ABCD2: variants seen among roughly 807,000 people sequenced by gnomAD.
ABCD2 encodes the protein ATP binding cassette subfamily D member 2.
Under a neutral mutation model 70.9 loss-of-function variants are expected in ABCD2, and 36 were observed. The ratio of observed to expected loss-of-function variants is 0.51; its 90% CI spans 0.39 to 0.67. The LOEUF is 0.67. Among genes scored for constraint, ABCD2 ranks in the 30% least tolerant of loss-of-function variants. The pLI is 0.00. For synonymous variants in ABCD2, 304 were observed against 306.9 expected, an observed-to-expected ratio of 0.99 and a Z score of 0.10; for missense variants, 729 against 890.2, an observed-to-expected ratio of 0.82 and a Z score of 2.30.
intron 9 of ABCD2, among the ~76,000 whole-genome samples, chr12:39,568,609 A>C (rs893346314): frequency 6.6e-5 from 10 of 152,008 alleles, no homozygotes; most frequent in African/African-American, 2.4e-4. Flanking sequence ...GATCATCTGA[A>C]GCCTTCTTCT....
chr12:39,609,878 G>C (rs1359005571), intron 2 of ABCD2, among the ~76,000 whole-genome samples: 1 of 152,134 alleles, frequency 6.6e-6, no homozygotes, highest in African/African-American at 2.4e-5. Context: ...AAGAAATTAG[G>C]CAAGATACAG....
Position 39,573,794 on chromosome 12 carries a change from T to A in ABCD2, c.1925A>T (p.Asp642Val). 6.2e-7 allele frequency: 1 copy of A among 1,613,352 alleles called. No homozygotes were observed. Among genetic ancestry groups the A allele is most frequent in the Non-Finnish European group, 8.5e-7 (1 of 1,179,416 alleles). ...LDECTSAVSIDVEGKIFQAAK... is the reference protein window; with the variant it reads ...LDECTSAVSIVVEGKIFQAAK... ...AGCCTGAAATATCTTTCCTTCGACA[T>A]CAATGCTGACAGCACTGGTACATTC... The change falls in exon 9 of 10, where the codon GAT (aspartate) becomes GTT (valine). Residue 642 changes from aspartate (D) to valine (V), a missense_variant. This residue lies in a region of ABCD2 where 289 missense variants were observed against 328.8 expected (regional missense o/e 0.88). Transcript: ENST00000308666.
At chr12:39,612,965 C>T (rs1942064678) in intron 2 of ABCD2, among the ~76,000 whole-genome samples, 1 of 152,178 alleles carries the variant, frequency 6.6e-6, no homozygotes, top group Non-Finnish European at 1.5e-5. Flanking sequence ...CTTAGACACT[C>T]TTTTTTCCTG....
chr12:39,619,091 G>T lies in ABCD2; in HGVS notation c.525C>A (p.Phe175Leu). The T allele has an allele frequency of 5.0e-6, 8 of 1,614,190 alleles. No homozygotes were observed. Among genetic ancestry groups the T allele is most frequent in the Non-Finnish European group, 6.8e-6 (8 of 1,180,036 alleles). The part of the protein sequence containing the change: ...RYLECKLALA[F>L]RTRLVDHAYE... ...AGGCGTGGTCTACTAGGCGAGTTCT[G>T]AAGGCCAAAGCCAATTTGCATTCCA... The change falls in exon 1 of 10, where the codon TTC becomes TTA. Residue 175 changes from phenylalanine to leucine, a missense_variant. Coordinates refer to ENST00000308666, the MANE Select transcript of ABCD2 (RefSeq NM_005164.4).
chr12:39,616,898 A>G (rs1423886846), intron 2 of ABCD2, 90 bp downstream of exon 2: 1 of 1,194,130 alleles, frequency 8.4e-7, no homozygotes, highest in Non-Finnish European at 1.2e-6. Context: ...ATGACCATGT[A>G]CACAGTTTAG....
At chr12:39,533,246 G>C in the ABCD2 span, among the ~76,000 whole-genome samples, 1 of 152,078 alleles carries the variant, frequency 6.6e-6, no homozygotes, top group South Asian at 2.1e-4. Context: ...TGGCATATAA[G>C]ATTGAAGAGA....
At position 39,552,778 on chromosome 12, in the gene ABCD2, C is replaced by T. The variant is rs1004766266; in HGVS notation, c.*1134G>A. 2.6e-5 allele frequency: 4 copies of T among 151,828 alleles called. No homozygotes were observed. The highest frequency in any genetic ancestry group is 6.6e-5 in the Admixed American group (1 of 15,232). The allele number at this position is 151,828 out of a possible 1,614,324, so 9.4% of individuals were successfully genotyped here. On this transcript the variant is annotated 3_prime_UTR_variant, in exon 10 of 10. Coordinates refer to ENST00000308666, the MANE Select transcript of ABCD2 (RefSeq NM_005164.4). ...GAAATTTATTTTATTTTCTACACTT[C>T]GTCTAACTTTTATTGCTATTATAGC...
intron 6 of ABCD2, among the ~76,000 whole-genome samples, chr12:39,599,131 G>A (rs1160504862): frequency 6.6e-6 from 1 of 152,098 alleles, no homozygotes; most frequent in Admixed American, 6.5e-5. Context: ...AGTGATTTTT[G>A]TTTGTTGCAA....
chr12:39,609,307 C>G (rs1465226389), intron 2 of ABCD2, among the ~76,000 whole-genome samples: 1 of 152,124 alleles, frequency 6.6e-6, no homozygotes, highest in Non-Finnish European at 1.5e-5. Context: ...GTAAGTAGGG[C>G]AAGACACTTA....
the ABCD2 span, among the ~76,000 whole-genome samples, chr12:39,535,391 TAA>T: frequency 6.6e-6 from 1 of 152,220 alleles, no homozygotes; most frequent in Non-Finnish European, 1.5e-5. Flanking sequence ...TATGTTATTT[TAA>T]AAGTTTTCTG....
rs1941092839 is a variant in ABCD2, at chr12:39,551,879, A to G, written c.*2033T>C. ...TTATGAAAATTAAGGCATGAAAATT[A>G]TACACATCTTTCACATGAGGATTTT... On this transcript the variant is annotated 3_prime_UTR_variant, in exon 10 of 10. Transcript: ENST00000308666. The G allele has an allele frequency of 6.6e-6, 1 of 151,870 alleles. No individual in the cohort carries two copies. The highest frequency in any genetic ancestry group is 2.1e-4 in the South Asian group (1 of 4,834). 9.4% of individuals were successfully genotyped at this position (151,870 alleles called of 1,614,324 possible).
intron 6 of ABCD2, among the ~76,000 whole-genome samples, chr12:39,598,721 A>C (rs1263539534): frequency 3.3e-5 from 5 of 152,172 alleles, no homozygotes; most frequent in African/African-American, 1.2e-4. Context: ...ACTAATGAGA[A>C]TATCATAAGG....
In ABCD2 at chr12:39,553,936, A is replaced by G. The variant is rs370552189; in HGVS notation, c.2199T>C (p.Ile733=). Reference sequence around the variant, plus strand: ...ATTAAGATGTCTCATCTTCATTTTTAATTGTTTTCAGCACTGAGTCTTCTC... The same window carrying G: ...ATTAAGATGTCTCATCTTCATTTTTGATTGTTTTCAGCACTGAGTCTTCTC... ...ILGEDSVLKT[I]KNEDETS is the part of the protein sequence containing the mutation. Residue 733 remains isoleucine (I), a synonymous_variant, in exon 10 of 10, where the codon ATT becomes ATC. Coordinates refer to ENST00000308666, the MANE Select transcript of ABCD2 (RefSeq NM_005164.4). 6 of 1,610,548 alleles carry G rather than the reference A, an allele frequency of 3.7e-6. No homozygotes were observed. The African/African-American group carries it at 8.0e-5, about 22-fold the overall frequency.
chr12:39,618,555 G>T, intron 1 of ABCD2, 122 bp downstream of exon 1: 1 of 820,800 alleles, frequency 1.2e-6, no homozygotes, highest in Non-Finnish European at 1.9e-6. Context: ...AGGTTTAGAT[G>T]TCAGAGGAAT....
At chr12:39,534,376 T>C in the ABCD2 span, among the ~76,000 whole-genome samples, 1 of 152,238 alleles carries the variant, frequency 6.6e-6, no homozygotes, top group Admixed American at 6.5e-5. Flanking sequence ...TTTCTAATTG[T>C]GTGATCTGGA....
At chr12:39,548,290 T>G (rs1410538818), downstream of ABCD2, among the ~76,000 whole-genome samples, 2 of 152,094 alleles carry the variant, frequency 1.3e-5, no homozygotes, top group Admixed American at 6.6e-5. Context: ...GCAGGTTAGG[T>G]ATATTAAATG....
At chr12:39,603,432 A>G (rs1260471554) in intron 5 of ABCD2, among the ~76,000 whole-genome samples, 1 of 152,112 alleles carries the variant, frequency 6.6e-6, no homozygotes, top group Admixed American at 6.5e-5. Flanking sequence ...ATTAAAAACT[A>G]AATTCCAATC....
intron 9 of ABCD2, among the ~76,000 whole-genome samples, chr12:39,554,723 C>T (rs553547263): frequency 1.1e-4 from 17 of 152,246 alleles, no homozygotes; most frequent in Admixed American, 6.5e-4. Flanking sequence ...TAATTAGGAA[C>T]TTCACAGAGG....
chr12:39,614,666 A>G (rs1942091897), intron 2 of ABCD2, among the ~76,000 whole-genome samples: 1 of 152,128 alleles, frequency 6.6e-6, no homozygotes, highest in African/African-American at 2.4e-5. Flanking sequence ...AATACATGGT[A>G]TGTAATTCCA....
Sources: gnomAD v4.1 joint callset for allele counts (sites outside exome capture counted in the v4.1 genomes callset) on GRCh38, gnomAD v4.1.1 for gene constraint, gnomAD v4.1.1 regional missense constraint, MANE v1.5 for transcripts, NCBI Gene and HGNC (gene_info 2026-07-23, HGNC 2026-07-21) for gene names.